Variants in OPCML observed in about 807,000 individuals in gnomAD.
OPCML encodes opioid binding protein/cell adhesion molecule like, also known as opioid-binding protein/cell adhesion molecule.
In OPCML, 13 loss-of-function variants were observed where a neutral mutation model predicts 37.8. That is an observed-to-expected ratio of 0.34 (90% CI 0.22 to 0.55). The LOEUF (loss-of-function observed/expected upper bound fraction) is 0.55. Ranked by LOEUF, OPCML falls within the 20% of genes least tolerant of loss-of-function variation. The pLI, the probability that OPCML is intolerant of heterozygous loss-of-function variation, is 0.91. For missense variants in OPCML, 341 were observed against 435.6 expected, an observed-to-expected ratio of 0.78 and a Z score of 1.93; for synonymous variants, 176 against 168.8, an observed-to-expected ratio of 1.04 and a Z score of -0.33.
intron 2 of OPCML, among the ~76,000 whole-genome samples, chr11:132,753,600 T>TAATA (rs973301070): frequency 7.0e-5 from 10 of 143,582 alleles, no homozygotes; most frequent in African/African-American, 2.8e-4. Context: ...GACAGACAGA[T>TAATA]AATAGACAGA....
chr11:132,657,669 G>A lies in OPCML; in HGVS notation c.147-350C>T, dbSNP rs550272754. 5.9e-5 allele frequency among the ~76,000 whole-genome samples: 9 copies of A among 152,232 alleles called. No individual in the cohort carries two copies. In the East Asian group the frequency reaches 9.6e-4, roughly 16 times the overall value. On this transcript the variant is annotated intron_variant, in intron 2 of 7. Transcript: ENST00000524381. ...CACCTTGGGGAAGAAGTGGCCCAGGGGCACATGGGAGAGAGAGTGGATCAG... is the reference window on the plus strand; with the variant it reads ...CACCTTGGGGAAGAAGTGGCCCAGGAGCACATGGGAGAGAGAGTGGATCAG...
chr11:133,110,829 A>G (rs181813166), intron 1 of OPCML, among the ~76,000 whole-genome samples: 322 of 152,324 alleles, frequency 2.1e-3, no homozygotes, highest in African/African-American at 7.5e-3. Context: ...CACTAAGGGC[A>G]TGACTAAGTA....
intron 1 of OPCML, among the ~76,000 whole-genome samples, chr11:133,526,384 A>G (rs866590218): frequency 6.6e-6 from 1 of 152,144 alleles, no homozygotes; most frequent in Non-Finnish European, 1.5e-5. Flanking sequence ...TGATTTTGAG[A>G]GTAGCTAAAC....
chr11:132,726,337 A>G (rs1209834299), intron 2 of OPCML, among the ~76,000 whole-genome samples: 1 of 152,070 alleles, frequency 6.6e-6, no homozygotes, highest in Non-Finnish European at 1.5e-5. Context: ...TTGTGCAGGG[A>G]ATCTCCCCCT....
At chr11:133,019,194 T>C (rs1947401878) in intron 1 of OPCML, among the ~76,000 whole-genome samples, 1 of 152,168 alleles carries the variant, frequency 6.6e-6, no homozygotes, top group Admixed American at 6.5e-5. Flanking sequence ...AGAACCCAAG[T>C]AGTGGACTCC....
At chr11:133,447,164 T>TGA (rs1351656047) in intron 1 of OPCML, among the ~76,000 whole-genome samples, 2 of 152,250 alleles carry the variant, frequency 1.3e-5, no homozygotes, top group Non-Finnish European at 2.9e-5. Flanking sequence ...TAGCAATGTA[T>TGA]GAGAGTTCCA....
intron 2 of OPCML, among the ~76,000 whole-genome samples, chr11:132,750,588 T>C (rs1033526211): frequency 1.3e-5 from 2 of 152,216 alleles, no homozygotes; most frequent in South Asian, 2.1e-4. Context: ...ACAGGAAAGA[T>C]AGGAGATCTG....
intron 1 of OPCML, among the ~76,000 whole-genome samples, chr11:133,383,210 C>T (rs1565605251): frequency 6.6e-6 from 1 of 152,144 alleles, no homozygotes; most frequent in African/African-American, 2.4e-5. Context: ...AGGCCATTGT[C>T]CTGCCCACAG....
At chr11:132,805,685 A>G (rs1034034839) in intron 2 of OPCML, among the ~76,000 whole-genome samples, 12 of 152,222 alleles carry the variant, frequency 7.9e-5, no homozygotes, top group African/African-American at 2.9e-4. Flanking sequence ...AAAGTTTCAC[A>G]GGCAAGAGTG....
At chr11:132,622,693 T>C (rs1246255701) in intron 3 of OPCML, among the ~76,000 whole-genome samples, 1 of 152,126 alleles carries the variant, frequency 6.6e-6, no homozygotes, top group Non-Finnish European at 1.5e-5. Context: ...TCAGATCCCA[T>C]GGCCCTAGGA....
rs550676541 is a variant in OPCML, at chr11:133,083,530, A to G, written c.62-140520T>C. Among the ~76,000 whole-genome samples, 6 of 152,366 alleles carry G rather than the reference A, an allele frequency of 3.9e-5. 1 individual carries two copies. The South Asian group carries it at 1.2e-3, about 32-fold the overall frequency. On this transcript the variant is annotated intron_variant, in intron 1 of 7. Coordinates refer to ENST00000524381, the MANE Select transcript of OPCML (RefSeq NM_001012393.5). ...TGCATCCAGCGTGCCTGCTCCCAGG[A>G]ATTGCACCTGGATTGTTCCAGCCAT...
intron 1 of OPCML, among the ~76,000 whole-genome samples, chr11:133,478,203 C>T (rs1250987044): frequency 2.0e-5 from 3 of 152,168 alleles, no homozygotes; most frequent in African/African-American, 7.2e-5. Context: ...TCGGGAATGG[C>T]AGGAGGATGA....
chr11:132,876,063 G>T (rs1222509150), intron 2 of OPCML, among the ~76,000 whole-genome samples: 1 of 152,194 alleles, frequency 6.6e-6, no homozygotes, highest in Admixed American at 6.5e-5. Flanking sequence ...AAAAAGAAAT[G>T]CAAACCACAA....
At chr11:133,133,472 G>A (rs1350892712) in intron 1 of OPCML, among the ~76,000 whole-genome samples, 1 of 151,988 alleles carries the variant, frequency 6.6e-6, no homozygotes, top group Non-Finnish European at 1.5e-5. Context: ...TCACCTTCGG[G>A]CTGCTCATCA....
At chr11:132,565,094 A>G (rs1412850858) in intron 3 of OPCML, among the ~76,000 whole-genome samples, 1 of 152,190 alleles carries the variant, frequency 6.6e-6, no homozygotes, top group Non-Finnish European at 1.5e-5. Context: ...TATCTCTACA[A>G]TCTGTCAGAC....
chr11:132,544,862 C>A (rs1313247759), intron 3 of OPCML, among the ~76,000 whole-genome samples: 1 of 152,138 alleles, frequency 6.6e-6, no homozygotes, highest in Non-Finnish European at 1.5e-5. Context: ...GAGCCACACA[C>A]TAACATTTCT....
At chr11:132,935,640 G>A (rs994211738) in intron 2 of OPCML, among the ~76,000 whole-genome samples, 2 of 152,172 alleles carry the variant, frequency 1.3e-5, no homozygotes, top group African/African-American at 2.4e-5. Flanking sequence ...TAAGTATTAT[G>A]TATCTCCAGG....
At chr11:133,180,127 C>T (rs1337133883) in intron 1 of OPCML, among the ~76,000 whole-genome samples, 1 of 152,164 alleles carries the variant, frequency 6.6e-6, no homozygotes, top group Non-Finnish European at 1.5e-5. Flanking sequence ...GTGAAAGAAC[C>T]GTAGGAAGCA....
At chr11:132,484,974 C>T (rs973774616) in intron 4 of OPCML, among the ~76,000 whole-genome samples, 13 of 152,002 alleles carry the variant, frequency 8.6e-5, no homozygotes, top group Admixed American at 2.6e-4. Flanking sequence ...TGCTAGATGA[C>T]GAGTTAGTGG....
Sources: allele counts gnomAD v4.1 joint callset (sites outside exome capture counted in the v4.1 genomes callset), GRCh38; gene constraint gnomAD v4.1.1; transcripts MANE v1.5; gene names NCBI Gene and HGNC (gene_info 2026-07-23, HGNC 2026-07-21).